The following ALPK1 variants were observed in gnomAD, a reference collection of about 807,000 sequenced individuals.
The protein encoded by ALPK1 is alpha-protein kinase 1.
ALPK1 carries 110 observed loss-of-function variants against 120.6 expected under a neutral mutation model. The ratio of observed to expected loss-of-function variants is 0.91; its 90% CI spans 0.78 to 1.07. The LOEUF (loss-of-function observed/expected upper bound fraction) is 1.07, where lower values mean the gene tolerates loss of function less well. Among genes scored for constraint, ALPK1 ranks in the 50% least tolerant of loss-of-function variants. ALPK1 has a pLI of 0.00. For synonymous variants in ALPK1, 582 were observed against 560.3 expected (o/e 1.04, Z -0.55); for missense variants, 1,498 against 1,483.9 (o/e 1.01, Z -0.16).
chr4:112,300,536 G>C (rs1727740265), intron 1 of ALPK1, among the ~76,000 whole-genome samples: 1 of 151,994 alleles, frequency 6.6e-6, no homozygotes, highest in African/African-American at 2.4e-5. Flanking sequence ...TGAAAGAAGA[G>C]AGGACGGAGT....
At chr4:112,313,450 TG>T (rs1198450717) in intron 1 of ALPK1, among the ~76,000 whole-genome samples, 2 of 152,142 alleles carry the variant, frequency 1.3e-5, no homozygotes, top group African/African-American at 4.8e-5. Flanking sequence ...AGGCCGGGCA[TG>T]GTGGCTCACG....
At chr4:112,308,313 A>T (rs572697903) in intron 1 of ALPK1, among the ~76,000 whole-genome samples, 11 of 152,212 alleles carry the variant, frequency 7.2e-5, no homozygotes, top group African/African-American at 2.7e-4. Flanking sequence ...AGGTTGGGGA[A>T]GTTGTCCTGG....
At chr4:112,345,554 G>A (rs1429739607) in intron 2 of ALPK1, among the ~76,000 whole-genome samples, 2 of 152,292 alleles carry the variant, frequency 1.3e-5, no homozygotes, top group East Asian at 1.9e-4. Flanking sequence ...CAGGGAAGAG[G>A]AGATTTCAAA....
chr4:112,357,388 G>A (rs955648947), intron 2 of ALPK1: 14 of 695,322 alleles, frequency 2.0e-5, no homozygotes, highest in African/African-American at 1.4e-4. Context: ...CCTATAAAGT[G>A]CACATCCATC....
intron 14 of ALPK1, among the ~76,000 whole-genome samples, chr4:112,440,462 C>G (rs1489584561): frequency 6.6e-6 from 1 of 152,114 alleles, no homozygotes; most frequent in East Asian, 1.9e-4. Flanking sequence ...CTAGCTTGTT[C>G]AGTCGGTACC....
intron 2 of ALPK1, among the ~76,000 whole-genome samples, chr4:112,360,385 T>C (rs1178320282): frequency 6.6e-6 from 1 of 152,216 alleles, no homozygotes; most frequent in Non-Finnish European, 1.5e-5. Context: ...CGGCCATGAA[T>C]ATGGAAGTGC....
chr4:112,411,728 G>C, intron 4 of ALPK1, 99 bp from the exon 5 acceptor site: 4 of 1,136,846 alleles, frequency 3.5e-6, no homozygotes, highest in Non-Finnish European at 5.1e-6. Flanking sequence ...CCTAGCTGTG[G>C]GTTTTGTTGT....
intron 9 of ALPK1, 152 bp downstream of exon 9, chr4:112,427,817 T>A: frequency 1.6e-6 from 1 of 619,616 alleles, no homozygotes; most frequent in Non-Finnish European, 2.9e-6. Flanking sequence ...GGGAGGAGTC[T>A]TGTGGGGTCC....
At chr4:112,335,729 G>A (rs1057235276) in intron 2 of ALPK1, among the ~76,000 whole-genome samples, 7 of 152,064 alleles carry the variant, frequency 4.6e-5, no homozygotes, top group Non-Finnish European at 1.0e-4. Flanking sequence ...TCTGAATAAG[G>A]GAAAGCTTGA....
At chr4:112,324,129 C>A (rs564514519) in intron 2 of ALPK1, among the ~76,000 whole-genome samples, 1 of 152,082 alleles carries the variant, frequency 6.6e-6, no homozygotes, top group Admixed American at 6.5e-5. Context: ...AGATCGAGAC[C>A]ATCCTGGCTA....
intron 2 of ALPK1, among the ~76,000 whole-genome samples, chr4:112,346,503 A>T (rs1730110018): frequency 6.6e-6 from 1 of 152,196 alleles, no homozygotes; most frequent in African/African-American, 2.4e-5. Context: ...ATCTTCATTG[A>T]TTCATTTGGA....
At chr4:112,380,418 A>T (rs186869575) in intron 3 of ALPK1, among the ~76,000 whole-genome samples, 28 of 152,268 alleles carry the variant, frequency 1.8e-4, no homozygotes, top group Admixed American at 9.1e-4. Flanking sequence ...ATAGGGGGTG[A>T]TAATTTCAGT....
chr4:112,424,050 C>G, intron 6 of ALPK1, 47 bp downstream of exon 6: 1 of 1,552,560 alleles, frequency 6.4e-7, no homozygotes, highest in Non-Finnish European at 8.9e-7. Flanking sequence ...CAGCCCCGAA[C>G]AGAGCACTCA....
intron 2 of ALPK1, among the ~76,000 whole-genome samples, chr4:112,360,823 T>C (rs1390340281): frequency 4.6e-5 from 7 of 152,222 alleles, no homozygotes; most frequent in Non-Finnish European, 7.3e-5. Flanking sequence ...TAACCAACTG[T>C]ATGTAAGTCC....
chr4:112,392,242 C>T (rs1322643799), intron 4 of ALPK1, among the ~76,000 whole-genome samples: 1 of 152,132 alleles, frequency 6.6e-6, no homozygotes, highest in African/African-American at 2.4e-5. Flanking sequence ...TCTTCTCCCT[C>T]CACCAACCAA....
chr4:112,422,922 C>T (rs568011876), intron 5 of ALPK1, among the ~76,000 whole-genome samples: 61 of 152,344 alleles, frequency 4.0e-4, no homozygotes, highest in African/African-American at 1.4e-3. Context: ...GATCCCTTAA[C>T]GCCCAGACTT....
chr4:112,329,278 A>T (rs1729255875), intron 2 of ALPK1, among the ~76,000 whole-genome samples: 1 of 152,212 alleles, frequency 6.6e-6, no homozygotes, highest in Non-Finnish European at 1.5e-5. Flanking sequence ...AACAATAGAA[A>T]AAGAGAAAAG....
intron 2 of ALPK1, among the ~76,000 whole-genome samples, chr4:112,317,191 T>G (rs1728674879): frequency 6.6e-6 from 1 of 152,170 alleles, no homozygotes; most frequent in Admixed American, 6.5e-5. Context: ...TTCATAGGTT[T>G]CCTTTTCACT....
chr4:112,390,940 C>G (rs1311159967), intron 4 of ALPK1, among the ~76,000 whole-genome samples: 4 of 152,074 alleles, frequency 2.6e-5, no homozygotes, highest in African/African-American at 9.7e-5. Flanking sequence ...ATGTGAGGTC[C>G]TGCATAAACG....
Sources: allele counts gnomAD v4.1 joint callset (sites outside exome capture counted in the v4.1 genomes callset), GRCh38; gene constraint gnomAD v4.1.1; transcripts MANE v1.5; gene names NCBI Gene and HGNC (gene_info 2026-07-23, HGNC 2026-07-21).